The following COP1 variants were observed in gnomAD, a reference collection of about 807,000 sequenced individuals.
COP1 encodes the protein E3 ubiquitin-protein ligase COP1.
A neutral mutation model predicts 101.3 loss-of-function variants in COP1; 24 were observed. The observed-to-expected ratio is 0.24, with a 90% CI of 0.17 to 0.33. The LOEUF (loss-of-function observed/expected upper bound fraction) is 0.33. Ranked by LOEUF, COP1 falls within the 10% of genes least tolerant of loss-of-function variation. The probability of loss-of-function intolerance (pLI) is 1.00; values close to 1 mark genes in which losing one functional copy is unlikely to be tolerated. For missense variants in COP1, 663 were observed against 906.2 expected (o/e 0.73, Z 3.45); for synonymous variants, 347 against 341.9 (o/e 1.01, Z -0.17).
At chr1:176,143,164 G>GAGAGA (rs1691020962) in intron 6 of COP1, among the ~76,000 whole-genome samples, 2 of 151,582 alleles carry the variant, frequency 1.3e-5, no homozygotes, top group African/African-American at 4.9e-5. Flanking sequence ...GAGAGAGAGA[G>GAGAGA]GAACAAGCAA....
At chr1:176,008,387 G>A (rs776369198) in intron 15 of COP1, among the ~76,000 whole-genome samples, 1 of 151,978 alleles carries the variant, frequency 6.6e-6, no homozygotes, top group Non-Finnish European at 1.5e-5. Flanking sequence ...CTTTTGACAG[G>A]TCAAATTTTC....
chr1:176,103,005 T>C (rs768435851), intron 9 of COP1, among the ~76,000 whole-genome samples: 47 of 152,210 alleles, frequency 3.1e-4, no homozygotes, highest in Admixed American at 2.1e-3. Flanking sequence ...TTGGGGAGAC[T>C]GATTTGAGTA....
chr1:176,115,500 G>C (rs1005521851), intron 9 of COP1, among the ~76,000 whole-genome samples: 2 of 151,934 alleles, frequency 1.3e-5, no homozygotes, highest in African/African-American at 4.8e-5. Flanking sequence ...TGTAATGCCA[G>C]CACTTGGAGA....
chr1:176,070,661 C>A (rs1484399279), intron 11 of COP1, among the ~76,000 whole-genome samples: 1 of 151,552 alleles, frequency 6.6e-6, no homozygotes, highest in Non-Finnish European at 1.5e-5. Context: ...GACTCCATTT[C>A]AAAAAAAATA....
At chr1:176,025,935 A>C (rs561948297) in intron 15 of COP1, among the ~76,000 whole-genome samples, 2 of 152,028 alleles carry the variant, frequency 1.3e-5, no homozygotes, top group Non-Finnish European at 2.9e-5. Flanking sequence ...AAGACACCTA[A>C]TGTAACTGTG....
intron 18 of COP1, among the ~76,000 whole-genome samples, chr1:175,954,587 GAAT>G (rs944546430): frequency 1.3e-5 from 2 of 151,778 alleles, no homozygotes; most frequent in Non-Finnish European, 2.9e-5. Flanking sequence ...GATATTAAAA[GAAT>G]AATTAGAAAA....
intron 9 of COP1, among the ~76,000 whole-genome samples, chr1:176,108,264 A>AT (rs1441416464): frequency 1.3e-5 from 2 of 152,094 alleles, no homozygotes; most frequent in Non-Finnish European, 2.9e-5. Flanking sequence ...TATTGTTAGC[A>AT]TTTTTTTCAA....
intron 15 of COP1, 75 bp from the exon 16 acceptor site, chr1:175,989,554 G>T (rs536134887): frequency 5.7e-5 from 47 of 819,768 alleles, no homozygotes; most frequent in African/African-American, 2.5e-4. Context: ...CTGGTTTTTG[G>T]TTTTTTCATT....
At chr1:176,113,516 G>A (rs892492247) in intron 9 of COP1, among the ~76,000 whole-genome samples, 2 of 152,036 alleles carry the variant, frequency 1.3e-5, no homozygotes, top group African/African-American at 4.8e-5. Context: ...GTTTCTACTG[G>A]TTTCTAGCTC....
chr1:176,074,821 G>C (rs1156534318), intron 11 of COP1, among the ~76,000 whole-genome samples: 1 of 148,638 alleles, frequency 6.7e-6, no homozygotes. Flanking sequence ...ATTACTCTTT[G>C]TATAGTCACA....
chr1:176,012,176 T>C (rs936919420), intron 15 of COP1, among the ~76,000 whole-genome samples: 5 of 152,160 alleles, frequency 3.3e-5, no homozygotes, highest in African/African-American at 7.2e-5. Context: ...GCCTAAGCCA[T>C]AGGTTGGAGA....
chr1:176,178,730 G>C (rs1378711656), intron 2 of COP1, among the ~76,000 whole-genome samples: 1 of 152,030 alleles, frequency 6.6e-6, no homozygotes, highest in Non-Finnish European at 1.5e-5. Flanking sequence ...GCAGGCACCT[G>C]TAATTCCGGC....
At chr1:176,135,142 T>C in intron 7 of COP1, 56 bp from the exon 8 acceptor site, 3 of 1,170,570 alleles carry the variant, frequency 2.6e-6, no homozygotes, top group Non-Finnish European at 3.7e-6. Context: ...GATATATAAA[T>C]CAAAAAGAGG....
chr1:176,178,799 A>T (rs1359019211), intron 2 of COP1, among the ~76,000 whole-genome samples: 1 of 151,722 alleles, frequency 6.6e-6, no homozygotes, highest in Non-Finnish European at 1.5e-5. Flanking sequence ...CTTGCAGTGA[A>T]CCAAGATCAC....
intron 8 of COP1, 128 bp downstream of exon 8, chr1:176,134,882 T>G (rs1689546110): frequency 4.9e-6 from 3 of 610,190 alleles, no homozygotes; most frequent in Middle Eastern, 2.7e-4. Flanking sequence ...TGAATATCAT[T>G]TCTAGATCAT....
intron 10 of COP1, among the ~76,000 whole-genome samples, chr1:176,083,401 A>G (rs1029939924): frequency 6.6e-6 from 1 of 152,154 alleles, no homozygotes; most frequent in Non-Finnish European, 1.5e-5. Context: ...TTCAACAGAA[A>G]CCATAAAGAA....
At chr1:176,088,179 A>G (rs1680572539) in intron 9 of COP1, among the ~76,000 whole-genome samples, 1 of 152,044 alleles carries the variant, frequency 6.6e-6, no homozygotes, top group African/African-American at 2.4e-5. Flanking sequence ...GGTCCAGCAA[A>G]CCAACACGGC....
chr1:175,968,560 A>C (rs1376939952), intron 18 of COP1: 1 of 505,488 alleles, frequency 2.0e-6, no homozygotes, highest in Admixed American at 2.1e-5. Flanking sequence ...CTTCATTATT[A>C]AGAAGACTTT....
At chr1:175,989,801 C>T (rs138138273) in intron 15 of COP1, among the ~76,000 whole-genome samples, 139 of 152,140 alleles carry the variant, frequency 9.1e-4, no homozygotes, top group African/African-American at 3.2e-3. Context: ...TTTTAAAAAA[C>T]CATTATTTAG....
Sources: gnomAD v4.1 joint callset for allele counts (sites outside exome capture counted in the v4.1 genomes callset) on GRCh38, gnomAD v4.1.1 for gene constraint, MANE v1.5 for transcripts, NCBI Gene and HGNC (gene_info 2026-07-23, HGNC 2026-07-21) for gene names.